Variants in POU6F2 observed in about 807,000 individuals in gnomAD.
The protein encoded by POU6F2 is POU class 6 homeobox 2, also known as POU domain, class 6, transcription factor 2.
POU6F2 carries 31 observed loss-of-function variants against 71.3 expected under a neutral mutation model. That is an observed-to-expected ratio of 0.43 (90% CI 0.33 to 0.59). The LOEUF is 0.59. Among genes scored for constraint, POU6F2 ranks in the 20% least tolerant of loss-of-function variants. POU6F2 has a pLI of 0.04. For missense variants in POU6F2, 783 were observed against 856.8 expected, an observed-to-expected ratio of 0.91 and a Z score of 1.07; for synonymous variants, 347 against 355.7, an observed-to-expected ratio of 0.98 and a Z score of 0.27.
chr7:38,988,526 T>G (rs2116614654), intron 1 of POU6F2, among the ~76,000 whole-genome samples: 1 of 152,256 alleles, frequency 6.6e-6, no homozygotes, highest in South Asian at 2.1e-4. Context: ...TGTTGTAAAC[T>G]TTCTTGAATG....
chr7:38,984,515 C>G (rs1788411684), intron 1 of POU6F2: 1 of 152,072 alleles, frequency 6.6e-6, no homozygotes, highest in Admixed American at 6.6e-5. Context: ...GTAAGCTTAC[C>G]TCATCTCACC....
At chr7:39,179,521 G>A (rs530220546) in intron 2 of POU6F2, among the ~76,000 whole-genome samples, 28 of 151,816 alleles carry the variant, frequency 1.8e-4, no homozygotes, top group South Asian at 4.2e-4. Flanking sequence ...GACCGCACGC[G>A]CGCACATGCG....
At chr7:39,358,143 T>C (rs1786298395) in intron 5 of POU6F2, among the ~76,000 whole-genome samples, 1 of 152,230 alleles carries the variant, frequency 6.6e-6, no homozygotes, top group South Asian at 2.1e-4. Flanking sequence ...TATCTGATGA[T>C]ACGAAAGAAT....
intron 1 of POU6F2, among the ~76,000 whole-genome samples, chr7:39,083,201 C>T (rs1052451043): frequency 6.6e-6 from 1 of 152,038 alleles, no homozygotes; most frequent in Non-Finnish European, 1.5e-5. Flanking sequence ...TTAAGTTTAC[C>T]CAGATATTCA....
At chr7:39,058,151 C>T (rs1201470867) in intron 1 of POU6F2, among the ~76,000 whole-genome samples, 1 of 152,196 alleles carries the variant, frequency 6.6e-6, no homozygotes, top group African/African-American at 2.4e-5. Context: ...TTTAAATGTA[C>T]TATCTGAAAG....
intron 5 of POU6F2, among the ~76,000 whole-genome samples, chr7:39,372,406 ATATATC>A (rs1786632508): frequency 6.6e-6 from 1 of 152,236 alleles, no homozygotes; most frequent in South Asian, 2.1e-4. Context: ...GATCAATAGA[ATATATC>A]TATCTATACA....
chr7:39,108,278 AT>A (rs60224148), intron 2 of POU6F2, among the ~76,000 whole-genome samples: 25 of 148,316 alleles, frequency 1.7e-4, no homozygotes, highest in Middle Eastern at 3.5e-3. Context: ...CCCTTCAATT[AT>A]TTTTTTTTTT....
chr7:39,339,832 G>T lies in POU6F2; in HGVS notation c.789G>T (p.Gln263His), dbSNP rs80127606. The change falls in exon 5 of 10, where the codon CAG becomes CAT. Residue 263 changes from glutamine to histidine, a missense_variant. Transcript: ENST00000518318. ...PPQQPPPASQ[Q>H]PPAPTSQLQQ... ...AGCAGCCACCACCCGCCTCTCAGCA[G>T]CCGCCAGCTCCTACATCTCAGCTGC... 2,028 of 1,591,676 alleles carry T rather than the reference G, an allele frequency of 1.3e-3. 23 individuals carry two copies. The highest frequency in any genetic ancestry group is 4.6e-3 in the East Asian group (201 of 43,358).
intron 5 of POU6F2, among the ~76,000 whole-genome samples, chr7:39,369,235 A>G (rs1786561364): frequency 6.6e-6 from 1 of 152,216 alleles, no homozygotes; most frequent in African/African-American, 2.4e-5. Context: ...AAATTTCCAC[A>G]GCCAGCCCAA....
chr7:39,444,538 C>T (rs3819415), intron 7 of POU6F2, among the ~76,000 whole-genome samples: 49,777 of 151,974 alleles, frequency 0.33, 8,982 homozygotes, highest in East Asian at 0.58. Flanking sequence ...GACCCGAGAT[C>T]GCACCACTGC....
intron 2 of POU6F2, among the ~76,000 whole-genome samples, chr7:39,100,100 A>ACC (rs1445570110): frequency 1.2e-4 from 18 of 152,240 alleles, no homozygotes; most frequent in African/African-American, 4.3e-4. Flanking sequence ...AGGCATGGGA[A>ACC]CATGCCTTCA....
At chr7:39,263,859 G>T (rs963602633) in intron 4 of POU6F2, among the ~76,000 whole-genome samples, 1 of 152,178 alleles carries the variant, frequency 6.6e-6, no homozygotes, top group African/African-American at 2.4e-5. Context: ...TGTCTCTCCA[G>T]AGCCTCTAAC....
intron 1 of POU6F2, among the ~76,000 whole-genome samples, chr7:39,007,790 T>C (rs1211385239): frequency 1.3e-5 from 2 of 151,428 alleles, no homozygotes; most frequent in African/African-American, 4.8e-5. Context: ...GGTTTTTTGT[T>C]CTTGCGATAG....
chr7:39,248,703 T>C (rs949528148), intron 4 of POU6F2, among the ~76,000 whole-genome samples: 1 of 152,228 alleles, frequency 6.6e-6, no homozygotes, highest in African/African-American at 2.4e-5. Context: ...GGCAATTCTG[T>C]TGTTTACTGT....
chr7:39,003,657 G>T (rs1308021987), intron 1 of POU6F2, among the ~76,000 whole-genome samples: 1 of 151,810 alleles, frequency 6.6e-6, no homozygotes, highest in Non-Finnish European at 1.5e-5. Flanking sequence ...GCTGAGGCAG[G>T]AGAATGGTGT....
At chr7:39,284,102 G>C (rs575005812) in intron 4 of POU6F2, among the ~76,000 whole-genome samples, 5 of 152,282 alleles carry the variant, frequency 3.3e-5, no homozygotes, top group Admixed American at 3.3e-4. Context: ...TCTAGAGAAG[G>C]CTGGAAATCC....
intron 4 of POU6F2, among the ~76,000 whole-genome samples, chr7:39,327,804 A>ACC: frequency 6.7e-6 from 1 of 148,598 alleles, no homozygotes. Context: ...TTCTAAGTGG[A>ACC]CCCCCCCGCC....
intron 6 of POU6F2, among the ~76,000 whole-genome samples, chr7:39,419,170 T>C (rs1787790482): frequency 1.5e-5 from 2 of 132,384 alleles, no homozygotes; most frequent in Non-Finnish European, 3.2e-5. Flanking sequence ...TATACACATA[T>C]ATATACGTAT....
chr7:39,152,804 T>C (rs562353839), intron 2 of POU6F2, among the ~76,000 whole-genome samples: 1 of 152,322 alleles, frequency 6.6e-6, no homozygotes. Context: ...ACAATCCAAA[T>C]CATTTTCTAG....
Sources: gnomAD v4.1 joint callset for allele counts (sites outside exome capture counted in the v4.1 genomes callset) on GRCh38, gnomAD v4.1.1 for gene constraint, MANE v1.5 for transcripts, NCBI Gene and HGNC (gene_info 2026-07-23, HGNC 2026-07-21) for gene names.